Variants in ENPP1 observed in about 807,000 individuals in gnomAD.
ENPP1 encodes the protein ectonucleotide pyrophosphatase/phosphodiesterase family member 1.
Under a neutral mutation model 122.8 loss-of-function variants are expected in ENPP1, and 73 were observed. That is an observed-to-expected ratio of 0.59 (90% CI 0.49 to 0.72). The LOEUF (loss-of-function observed/expected upper bound fraction) is 0.72. Ranked by LOEUF, ENPP1 falls within the 30% of genes least tolerant of loss-of-function variation. ENPP1 has a pLI of 0.00. For synonymous variants in ENPP1, 367 were observed against 391.6 expected (o/e 0.94, Z 0.74); for missense variants, 978 against 1,128.1 (o/e 0.87, Z 1.91).
intron 1 of ENPP1, among the ~76,000 whole-genome samples, chr6:131,819,095 T>TC (rs1352474636): frequency 6.6e-6 from 1 of 152,242 alleles, no homozygotes; most frequent in East Asian, 1.9e-4. Flanking sequence ...TGGTTTTTTT[T>TC]CATGTTGTTT....
intron 24 of ENPP1, among the ~76,000 whole-genome samples, chr6:131,889,318 C>A (rs1324439577): frequency 6.6e-6 from 1 of 152,104 alleles, no homozygotes; most frequent in Non-Finnish European, 1.5e-5. Flanking sequence ...CTGCACAGAT[C>A]ATCCCGTCAC....
intron 1 of ENPP1, chr6:131,820,006 C>A: frequency 1.8e-6 from 1 of 556,108 alleles, no homozygotes; most frequent in Non-Finnish European, 3.5e-6. Flanking sequence ...CTCAGCTGTT[C>A]CCCATAAGAA....
At chr6:131,869,221 C>CTGTATG in intron 12 of ENPP1, 137 bp from the exon 13 acceptor site, 1 of 789,060 alleles carries the variant, frequency 1.3e-6, no homozygotes. Context: ...TCTGTCTTAC[C>CTGTATG]TATCAGATCT....
In ENPP1 at chr6:131,808,028, G is replaced by A; in HGVS notation, c.-8G>A. On this transcript the variant is annotated 5_prime_UTR_variant, in exon 1 of 25. Coordinates refer to ENST00000647893, the MANE Select transcript of ENPP1 (RefSeq NM_006208.3). Reference sequence around the variant, plus strand: ...CCGGGCAGCGGGGCCGGAGCGGCCGGGGCCACGATGGAGCGCGACGGCTGC... The same window carrying A: ...CCGGGCAGCGGGGCCGGAGCGGCCGAGGCCACGATGGAGCGCGACGGCTGC... 4.1e-6 allele frequency: 4 copies of A among 979,682 alleles called. No individual in the cohort carries two copies. The highest frequency in any genetic ancestry group is 4.8e-6 in the Non-Finnish European group (4 of 827,402). The allele number at this position is 979,682 out of a possible 1,614,324, so 60.7% of individuals were successfully genotyped here.
chr6:131,817,310 A>G (rs1017633499), intron 1 of ENPP1, among the ~76,000 whole-genome samples: 1 of 152,174 alleles, frequency 6.6e-6, no homozygotes, highest in African/African-American at 2.4e-5. Flanking sequence ...CAGTATAACA[A>G]TGTGTAATTA....
intron 16 of ENPP1, among the ~76,000 whole-genome samples, chr6:131,875,400 C>T (rs546623254): frequency 3.7e-4 from 56 of 152,158 alleles, no homozygotes; most frequent in African/African-American, 1.2e-3. Context: ...TAATATCTTA[C>T]ATTTACCCAG....
chr6:131,844,092 C>T (rs1022947352), intron 1 of ENPP1, among the ~76,000 whole-genome samples: 2 of 152,130 alleles, frequency 1.3e-5, no homozygotes, highest in African/African-American at 2.4e-5. Flanking sequence ...CAACCAGCTT[C>T]CTTAAAATGA....
intron 22 of ENPP1, among the ~76,000 whole-genome samples, chr6:131,884,005 T>C (rs538218332): frequency 3.5e-4 from 53 of 152,226 alleles, no homozygotes; most frequent in Non-Finnish European, 6.3e-4. Context: ...AAGTATGTGA[T>C]GCGCTTCCTA....
intron 1 of ENPP1, chr6:131,819,947 T>C: frequency 1.8e-6 from 1 of 562,210 alleles, no homozygotes; most frequent in Non-Finnish European, 3.3e-6. Context: ...TTCTTTTTTT[T>C]TTTTTTCGCA....
rs908301087 is a variant in ENPP1, at chr6:131,890,723, A to T, written c.*212A>T. 6.9e-6 allele frequency: 4 copies of T among 577,788 alleles called. No individual in the cohort carries two copies. Among genetic ancestry groups the T allele is most frequent in the Non-Finnish European group, 1.2e-5 (4 of 325,006 alleles). The allele number at this position is 577,788 out of a possible 1,614,324, so 35.8% of individuals were successfully genotyped here. A position where few individuals can be genotyped will look rare whatever the true frequency, so the allele number is the denominator to read the frequency against. On this transcript the variant is annotated 3_prime_UTR_variant, in exon 25 of 25. Transcript: ENST00000647893. ...CTTGCACATATTTGAATGTGTAAGC[A>T]TTGTATACATTGATCAAGTTCGGGG...
intron 4 of ENPP1, 43 bp from the exon 5 acceptor site, chr6:131,852,132 T>G (rs1293099901): frequency 1.6e-6 from 2 of 1,239,798 alleles, no homozygotes; most frequent in Non-Finnish European, 2.4e-6. Context: ...CAATTATTAT[T>G]ACTGTTAAGT....
chr6:131,872,528 G>A (rs1782175341), intron 14 of ENPP1, among the ~76,000 whole-genome samples: 1 of 151,988 alleles, frequency 6.6e-6, no homozygotes, highest in East Asian at 1.9e-4. Context: ...TTTTAAGTCT[G>A]CAAGAAAACT....
Position 131,827,792 on chromosome 6 carries a change from G to T in ENPP1, c.240+19517G>T, listed in dbSNP as rs1781563356. ...CCAGCTGACTCCAAAGCCCGCTGCA[G>T]GTGGGGCAATGACTGCTTTCTGGAA... On this transcript the variant is annotated intron_variant, in intron 1 of 24. Transcript: ENST00000647893. 3 of 907,278 alleles carry T rather than the reference G, an allele frequency of 3.3e-6. No homozygotes were observed. The East Asian group carries it at 7.6e-5, about 23-fold the overall frequency. The allele number at this position is 907,278 out of a possible 1,614,324, so 56.2% of individuals were successfully genotyped here.
At chr6:131,887,117 T>G (rs1161643539) in intron 24 of ENPP1, among the ~76,000 whole-genome samples, 1 of 151,914 alleles carries the variant, frequency 6.6e-6, no homozygotes, top group African/African-American at 2.4e-5. Context: ...TTTGTATGGC[T>G]TAACCACTAA....
chr6:131,861,242 A>G (rs546362755), intron 8 of ENPP1, among the ~76,000 whole-genome samples: 1 of 152,318 alleles, frequency 6.6e-6, no homozygotes, highest in South Asian at 2.1e-4. Flanking sequence ...TTGTAGGAAT[A>G]CTATTTAGAA....
intron 1 of ENPP1, among the ~76,000 whole-genome samples, chr6:131,829,358 AT>A (rs906703352): frequency 6.6e-6 from 1 of 152,180 alleles, no homozygotes; most frequent in African/African-American, 2.4e-5. Context: ...TTGGGGGACA[AT>A]TTTTCTTTTC....
intron 1 of ENPP1, among the ~76,000 whole-genome samples, chr6:131,843,525 C>A (rs1195573812): frequency 6.6e-6 from 1 of 152,184 alleles, no homozygotes; most frequent in Non-Finnish European, 1.5e-5. Flanking sequence ...GTTTTCCTGT[C>A]CATCTAGTTC....
At chr6:131,883,914 C>G (rs182204095) in intron 22 of ENPP1, 140 bp downstream of exon 22, 1 of 583,478 alleles carries the variant, frequency 1.7e-6, no homozygotes, top group Non-Finnish European at 3.1e-6. Context: ...TTTGAGAATA[C>G]TAGTACACAA....
chr6:131,827,224 T>G, intron 1 of ENPP1: 1 of 932,150 alleles, frequency 1.1e-6, no homozygotes, highest in Non-Finnish European at 1.8e-6. Context: ...TTACTGAGGT[T>G]GATCTGTTTC....
Sources: gnomAD v4.1 joint callset for allele counts (sites outside exome capture counted in the v4.1 genomes callset) on GRCh38, gnomAD v4.1.1 for gene constraint, MANE v1.5 for transcripts, NCBI Gene and HGNC (gene_info 2026-07-23, HGNC 2026-07-21) for gene names.